The following AFAP1 variants were observed in gnomAD, a reference collection of about 807,000 sequenced individuals.
AFAP1 encodes the protein actin filament associated protein 1, also known as actin filament-associated protein 1.
AFAP1 carries 75 observed loss-of-function variants against 93.9 expected under a neutral mutation model. The observed-to-expected ratio is 0.80, with a 90% confidence interval of 0.66 to 0.97. The LOEUF (loss-of-function observed/expected upper bound fraction) is 0.97, where lower values mean the gene tolerates loss of function less well. AFAP1 is among the 50% of genes least tolerant of loss of function. The pLI, the probability that AFAP1 is intolerant of heterozygous loss-of-function variation, is 0.00. For synonymous variants in AFAP1, 517 were observed against 430.7 expected (o/e 1.20, Z -2.48); for missense variants, 1,201 against 1,050.8 (o/e 1.14, Z -1.98).
intron 4 of AFAP1, among the ~76,000 whole-genome samples, chr4:7,848,361 C>T (rs1251553128): frequency 5.9e-5 from 9 of 152,212 alleles, no homozygotes; most frequent in Admixed American, 6.5e-5. Flanking sequence ...ATGCGCAAAG[C>T]GTGGCTCAGT....
intron 10 of AFAP1, among the ~76,000 whole-genome samples, chr4:7,794,442 C>T (rs185570469): frequency 4.4e-4 from 67 of 152,288 alleles, no homozygotes; most frequent in African/African-American, 1.4e-3. Flanking sequence ...TTTGCTATCT[C>T]CTCCATTTGG....
At chr4:7,811,546 G>A (rs970914818) in intron 8 of AFAP1, among the ~76,000 whole-genome samples, 9 of 152,064 alleles carry the variant, frequency 5.9e-5, no homozygotes, top group Admixed American at 2.0e-4. Context: ...AGCCAAACAC[G>A]CTAGGGCGGC....
At chr4:7,813,662 CATA>C (rs1251436382) in intron 8 of AFAP1, among the ~76,000 whole-genome samples, 1 of 152,216 alleles carries the variant, frequency 6.6e-6, no homozygotes, top group Non-Finnish European at 1.5e-5. Flanking sequence ...TTTGATTACA[CATA>C]ATGTGTGCCC....
chr4:7,786,298 G>A lies in AFAP1; in HGVS notation c.1426C>T (p.Arg476Cys), dbSNP rs115544900. 17 of 1,613,558 alleles carry A rather than the reference G, an allele frequency of 1.1e-5. No individual in the cohort carries two copies. In the East Asian group the frequency reaches 1.8e-4, roughly 17 times the overall value. The change falls in exon 12 of 18, where the codon CGT becomes TGT. Residue 476 changes from arginine to cysteine, a missense_variant. Physicochemically the swap from Arg to Cys is radical, Grantham distance 180. Transcript: ENST00000420658. Reference sequence around the variant, plus strand: ...AGATATGGGTTAGCAGATATAACACGCCTGTTCATGAAACTGAAAGAAAGG... The same window carrying A: ...AGATATGGGTTAGCAGATATAACACACCTGTTCATGAAACTGAAAGAAAGG... ...AKQTFCFMNRRVISANPYLGG... is the reference protein window; with the variant it reads ...AKQTFCFMNRCVISANPYLGG...
chr4:7,817,906 T>C (rs1047923000), intron 7 of AFAP1, among the ~76,000 whole-genome samples: 3 of 152,114 alleles, frequency 2.0e-5, no homozygotes, highest in East Asian at 3.9e-4. Context: ...TTGTAATGAG[T>C]GACTTTTTTC....
In AFAP1 at chr4:7,778,835, T is replaced by C. The variant is rs1716434454; in HGVS notation, c.1824A>G (p.Thr608=). 1 of 1,614,196 alleles carries C rather than the reference T, an allele frequency of 6.2e-7. No individual in the cohort carries two copies. Among genetic ancestry groups the C allele is most frequent in the Non-Finnish European group, 8.5e-7 (1 of 1,180,034 alleles). Reference sequence around the variant, plus strand: ...GACTGCTCAGAGTCTTCCCTTTTCCTGTGACCCCATTAGACGCCACGGGGG... The same window carrying C: ...GACTGCTCAGAGTCTTCCCTTTTCCCGTGACCCCATTAGACGCCACGGGGG... ...KKPPVASNGV[T]GKGKTLSSQP... The change falls in exon 14 of 18, where the codon ACA becomes ACG. Residue 608 remains threonine, a synonymous_variant. Transcript: ENST00000420658.
chr4:7,863,656 T>C (rs1716010427), intron 3 of AFAP1, among the ~76,000 whole-genome samples: 1 of 152,144 alleles, frequency 6.6e-6, no homozygotes, highest in East Asian at 1.9e-4. Flanking sequence ...AAAGACACAT[T>C]AGCCAGGTGG....
intron 1 of AFAP1, among the ~76,000 whole-genome samples, chr4:7,904,017 C>T (rs1719261933): frequency 1.3e-5 from 2 of 151,494 alleles, no homozygotes; most frequent in Non-Finnish European, 2.9e-5. Context: ...CTGTTCTGTG[C>T]CTGCACACGT....
chr4:7,788,177 T>C (rs1577207989), intron 11 of AFAP1, among the ~76,000 whole-genome samples: 1 of 152,318 alleles, frequency 6.6e-6, no homozygotes, highest in South Asian at 2.1e-4. Context: ...ACTAATAATG[T>C]AAATCCCAGG....
At chr4:7,923,318 G>C (rs974683894) in intron 1 of AFAP1, among the ~76,000 whole-genome samples, 27 of 152,224 alleles carry the variant, frequency 1.8e-4, no homozygotes, top group Non-Finnish European at 3.1e-4. Flanking sequence ...ACCATAGGCT[G>C]TGTGGCTTAA....
chr4:7,767,753 C>G (rs988346302), intron 17 of AFAP1, among the ~76,000 whole-genome samples: 6 of 152,146 alleles, frequency 3.9e-5, no homozygotes, highest in African/African-American at 9.7e-5. Context: ...AAACACCTAT[C>G]CCCAGTCAAC....
intron 6 of AFAP1, among the ~76,000 whole-genome samples, chr4:7,826,488 G>A (rs891417801): frequency 6.6e-6 from 1 of 152,238 alleles, no homozygotes; most frequent in South Asian, 2.1e-4. Context: ...AAAGCCAGAG[G>A]CAAGACTGCA....
intron 6 of AFAP1, among the ~76,000 whole-genome samples, chr4:7,825,743 C>T (rs781567421): frequency 3.3e-5 from 5 of 151,820 alleles, no homozygotes; most frequent in South Asian, 2.1e-4. Flanking sequence ...AAAAGAACTA[C>T]ATAAAGTAGA....
intron 1 of AFAP1, among the ~76,000 whole-genome samples, chr4:7,887,831 ATT>A (rs34450871): frequency 1.5e-4 from 23 of 148,524 alleles, no homozygotes; most frequent in Middle Eastern, 3.5e-3. Flanking sequence ...ATAAAGAACA[ATT>A]TTTTTTTTTT....
At chr4:7,816,418 C>T (rs1004159547) in intron 7 of AFAP1, among the ~76,000 whole-genome samples, 1 of 152,228 alleles carries the variant, frequency 6.6e-6, no homozygotes, top group Non-Finnish European at 1.5e-5. Flanking sequence ...ATTATGATTA[C>T]AAAAAATATT....
chr4:7,823,269 A>C (rs1200187226), intron 6 of AFAP1, among the ~76,000 whole-genome samples: 1 of 152,122 alleles, frequency 6.6e-6, no homozygotes, highest in African/African-American at 2.4e-5. Flanking sequence ...GAAAACAATG[A>C]GGGAATGAGG....
chr4:7,809,004 T>C (rs1414464819), intron 9 of AFAP1, among the ~76,000 whole-genome samples: 1 of 152,156 alleles, frequency 6.6e-6, no homozygotes, highest in Non-Finnish European at 1.5e-5. Context: ...AGGCATTCCT[T>C]TGGCAGCAAC....
chr4:7,760,018 C>G lies in AFAP1; in HGVS notation c.*3747G>C, dbSNP rs964502839. ...AATAGTGGGTGAGTAGAATTAATAG[C>G]CTTTTTGGAAAGGGAAGGTGTGGCC... On this transcript the variant is annotated 3_prime_UTR_variant, in exon 18 of 18. Coordinates refer to ENST00000420658, the MANE Select transcript of AFAP1 (RefSeq NM_001134647.2). 3 of 152,348 alleles carry G rather than the reference C, an allele frequency of 2.0e-5. No individual in the cohort carries two copies. Among genetic ancestry groups the G allele is most frequent in the African/African-American group, 7.2e-5 (3 of 41,570 alleles). The allele number at this position is 152,348 out of a possible 1,614,324, so 9.4% of individuals were successfully genotyped here.
intron 4 of AFAP1, among the ~76,000 whole-genome samples, chr4:7,854,732 A>C (rs1304524953): frequency 6.6e-6 from 1 of 152,172 alleles, no homozygotes; most frequent in Non-Finnish European, 1.5e-5. Context: ...TTTTTAAAAA[A>C]AGCAAGCTGG....
Sources: gnomAD v4.1 joint callset for allele counts (sites outside exome capture counted in the v4.1 genomes callset) on GRCh38, gnomAD v4.1.1 for gene constraint, MANE v1.5 for transcripts, NCBI Gene and HGNC (gene_info 2026-07-23, HGNC 2026-07-21) for gene names.